The following PCDH9 variants were observed in gnomAD, a reference collection of about 807,000 sequenced individuals.
PCDH9 encodes the protein protocadherin 9, also known as protocadherin-9.
Under a neutral mutation model 70.6 loss-of-function variants are expected in PCDH9, and 24 were observed. The ratio of observed to expected loss-of-function variants is 0.34; its 90% CI spans 0.25 to 0.48. The LOEUF (loss-of-function observed/expected upper bound fraction) is 0.48, where lower values mean the gene tolerates loss of function less well. Among genes scored for constraint, PCDH9 ranks in the 20% least tolerant of loss-of-function variants. PCDH9 has a pLI of 0.99. For missense variants in PCDH9, 1,281 were observed against 1,503.6 expected (o/e 0.85, Z 2.45); for synonymous variants, 562 against 558.5 (o/e 1.01, Z -0.09).
chr13:67,040,444 T>C (rs2085090032), intron 2 of PCDH9, among the ~76,000 whole-genome samples: 1 of 152,114 alleles, frequency 6.6e-6, no homozygotes, highest in South Asian at 2.1e-4. Flanking sequence ...ACCCAGTCTC[T>C]AGAGAAAAAT....
intron 2 of PCDH9, among the ~76,000 whole-genome samples, chr13:67,039,210 T>G (rs1224771536): frequency 6.6e-6 from 1 of 152,110 alleles, no homozygotes; most frequent in Non-Finnish European, 1.5e-5. Context: ...TTGTGAGTTG[T>G]TTTTCAGTTT....
chr13:66,997,408 G>C (rs2084140088), intron 2 of PCDH9, among the ~76,000 whole-genome samples: 1 of 152,162 alleles, frequency 6.6e-6, no homozygotes, highest in Admixed American at 6.5e-5. Context: ...CATAGAGGGA[G>C]AACTCATTAC....
chr13:66,892,253 T>C (rs750257740), intron 3 of PCDH9, among the ~76,000 whole-genome samples: 4 of 148,528 alleles, frequency 2.7e-5, no homozygotes, highest in East Asian at 2.0e-4. Flanking sequence ...TATATATATA[T>C]ACACACACAC....
At chr13:67,122,496 C>T (rs1475942395) in intron 2 of PCDH9, among the ~76,000 whole-genome samples, 1 of 151,796 alleles carries the variant, frequency 6.6e-6, no homozygotes, top group Non-Finnish European at 1.5e-5. Context: ...ATAATCCAGA[C>T]GGGCTCAGTG....
Position 66,834,145 on chromosome 13 carries a change from T to C in PCDH9, c.3138+69359A>G, listed in dbSNP as rs1379413654. ...ATTTGTTATCCTGAATATAATTTTA[T>C]ATACCTATGGTCTTTTTTTTTTTTT... is the stretch of plus-strand genomic sequence containing the variant. On this transcript the variant is annotated intron_variant, in intron 3 of 4. Transcript: ENST00000377865. 2.7e-5 allele frequency among the ~76,000 whole-genome samples: 4 copies of C among 150,102 alleles called. No individual in the cohort carries two copies. The Admixed American group carries it at 2.7e-4, about 10-fold the overall frequency.
chr13:66,588,351 G>A (rs2076991652), intron 4 of PCDH9, among the ~76,000 whole-genome samples: 1 of 151,726 alleles, frequency 6.6e-6, no homozygotes, highest in African/African-American at 2.4e-5. Flanking sequence ...GTATCCTTAG[G>A]CTACAAATTT....
chr13:66,878,490 C>A (rs1594195914), intron 3 of PCDH9, among the ~76,000 whole-genome samples: 1 of 152,098 alleles, frequency 6.6e-6, no homozygotes, highest in African/African-American at 2.4e-5. Context: ...GACTCCCAAA[C>A]TGCTGGGATT....
intron 3 of PCDH9, among the ~76,000 whole-genome samples, chr13:66,639,026 T>G (rs899979149): frequency 1.3e-5 from 2 of 152,214 alleles, no homozygotes; most frequent in African/African-American, 4.8e-5. Flanking sequence ...TGTGAAGGTG[T>G]CAGCAATTTC....
intron 3 of PCDH9, among the ~76,000 whole-genome samples, chr13:66,724,590 G>A (rs1424119176): frequency 6.6e-6 from 1 of 152,102 alleles, no homozygotes; most frequent in Non-Finnish European, 1.5e-5. Context: ...CACAATCTCT[G>A]CAGCCATTCT....
At chr13:67,158,774 G>C (rs1377343884) in intron 2 of PCDH9, among the ~76,000 whole-genome samples, 1 of 152,206 alleles carries the variant, frequency 6.6e-6, no homozygotes, top group African/African-American at 2.4e-5. Context: ...TTTTGTTACA[G>C]CTTCACTCTT....
chr13:66,637,810 A>G (rs1473546695), intron 3 of PCDH9, among the ~76,000 whole-genome samples: 1 of 151,898 alleles, frequency 6.6e-6, no homozygotes, highest in Non-Finnish European at 1.5e-5. Context: ...GCTACTTGGG[A>G]GGCTTAAGCA....
At chr13:66,517,537 T>C (rs906749609) in intron 4 of PCDH9, among the ~76,000 whole-genome samples, 4 of 152,182 alleles carry the variant, frequency 2.6e-5, no homozygotes, top group African/African-American at 9.7e-5. Context: ...ATCCACTGTG[T>C]TCTTCACAGA....
chr13:66,497,699 C>A (rs1959138004), intron 4 of PCDH9, among the ~76,000 whole-genome samples: 1 of 152,004 alleles, frequency 6.6e-6, no homozygotes, highest in Non-Finnish European at 1.5e-5. Context: ...GGTTTGATAA[C>A]CCAGGTTCAG....
intron 2 of PCDH9, among the ~76,000 whole-genome samples, chr13:66,918,689 T>G (rs1464046860): frequency 6.6e-6 from 1 of 151,274 alleles, no homozygotes; most frequent in Non-Finnish European, 1.5e-5. Context: ...TTTTATATTA[T>G]TATGATAAGG....
chr13:67,095,853 C>T (rs956173667), intron 2 of PCDH9, among the ~76,000 whole-genome samples: 1 of 152,088 alleles, frequency 6.6e-6, no homozygotes, highest in Non-Finnish European at 1.5e-5. Context: ...AAAATAACTA[C>T]AGTTAGGATT....
intron 2 of PCDH9, among the ~76,000 whole-genome samples, chr13:67,054,349 A>T (rs2085378744): frequency 6.6e-6 from 1 of 152,186 alleles, no homozygotes; most frequent in South Asian, 2.1e-4. Context: ...CCCACAGACA[A>T]GCAGACAAAG....
In PCDH9 at chr13:66,978,672, C is replaced by T. The variant is rs182256203; in HGVS notation, c.3037-75067G>A. On this transcript the variant is annotated intron_variant, in intron 2 of 4. Coordinates refer to ENST00000377865, the MANE Select transcript of PCDH9 (RefSeq NM_203487.3). ...TTCTTTTCTTAGTTTATGCTACTATCTTCTATAAGAATATATATATTATAT... is the reference window on the plus strand; with the variant it reads ...TTCTTTTCTTAGTTTATGCTACTATTTTCTATAAGAATATATATATTATAT... Among the ~76,000 whole-genome samples the T allele has an allele frequency of 4.3e-3, 649 of 149,588 alleles. 3 individuals are homozygous for T. The highest frequency in any genetic ancestry group is 0.015 in the African/African-American group (625 of 41,072).
At chr13:66,951,454 A>C (rs1266973569) in intron 2 of PCDH9, among the ~76,000 whole-genome samples, 1 of 152,200 alleles carries the variant, frequency 6.6e-6, no homozygotes, top group Non-Finnish European at 1.5e-5. Context: ...GAGTGAATGC[A>C]GACGTAATTG....
At chr13:66,354,186 A>T (rs988252237) in intron 4 of PCDH9, among the ~76,000 whole-genome samples, 4 of 152,156 alleles carry the variant, frequency 2.6e-5, no homozygotes, top group Non-Finnish European at 5.9e-5. Flanking sequence ...AGTTGGAAAC[A>T]ATAAGATTAA....
Sources: gnomAD v4.1 joint callset for allele counts (sites outside exome capture counted in the v4.1 genomes callset) on GRCh38, gnomAD v4.1.1 for gene constraint, MANE v1.5 for transcripts, NCBI Gene and HGNC (gene_info 2026-07-23, HGNC 2026-07-21) for gene names.